The following TEX11 variants were observed in gnomAD, a reference collection of about 807,000 sequenced individuals.
The protein encoded by TEX11 is testis expressed 11.
A neutral mutation model predicts 84.4 loss-of-function variants in TEX11; 7 were observed. The ratio of observed to expected loss-of-function variants is 0.08; its 90% CI spans 0.05 to 0.16. The LOEUF (loss-of-function observed/expected upper bound fraction) is 0.16. Ranked by LOEUF, TEX11 falls within the 10% of genes least tolerant of loss-of-function variation. The pLI is 1.00. For missense variants in TEX11, 551 were observed against 660.5 expected, an observed-to-expected ratio of 0.83 and a Z score of 1.82; for synonymous variants, 264 against 222.8, an observed-to-expected ratio of 1.18 and a Z score of -1.64.
At chrX:70,529,732 C>A (rs1334102872) in intron 29 of TEX11, 103 bp downstream of exon 29, 15 of 858,584 alleles carry the variant, frequency 1.7e-5, no homozygotes, top group Non-Finnish European at 2.2e-5. Context: ...GAGCAAGATC[C>A]TTTCCTAGCC....
At chrX:70,739,632 G>T (rs752223018) in intron 11 of TEX11, among the ~76,000 whole-genome samples, 9 of 110,414 alleles carry the variant, frequency 8.2e-5, no homozygotes, top group Non-Finnish European at 1.7e-4. Context: ...GGATGGTTTC[G>T]ATCTCTTGAC....
chrX:70,801,809 A>G (rs374048091), intron 9 of TEX11, among the ~76,000 whole-genome samples: 1 of 110,421 alleles, frequency 9.1e-6, no homozygotes, highest in East Asian at 2.8e-4. Context: ...CACAAAAAAA[A>G]GGCAACTCAG....
chrX:70,626,524 C>T (rs1283127048), intron 18 of TEX11, among the ~76,000 whole-genome samples: 1 of 111,141 alleles, frequency 9.0e-6, no homozygotes, highest in African/African-American at 3.3e-5. Flanking sequence ...TTTCACTGTC[C>T]CTCATCCCCT....
At chrX:70,559,118 G>T (rs189885554) in intron 25 of TEX11, among the ~76,000 whole-genome samples, 1,569 of 112,103 alleles carry the variant, frequency 0.014, 28 homozygotes, top group Admixed American at 0.067. Flanking sequence ...TTGTGCACAA[G>T]AGTTTACAGC....
intron 28 of TEX11, among the ~76,000 whole-genome samples, chrX:70,550,701 C>A (rs1464934277): frequency 8.9e-6 from 1 of 111,845 alleles, no homozygotes; most frequent in African/African-American, 3.3e-5. Flanking sequence ...AGTGAGATAT[C>A]ATCTCACCCC....
chrX:70,736,540 C>CA (rs1223892423), intron 11 of TEX11, among the ~76,000 whole-genome samples: 867 of 70,765 alleles, frequency 0.012, 12 homozygotes, highest in African/African-American at 0.036. Context: ...CTGAGTGAGG[C>CA]AAAAAAAAAA....
Position 70,860,888 on chromosome X carries a change from G to T in TEX11, c.293C>A (p.Ala98Asp). The part of the protein sequence containing the change: ...KLLSMCEASF[A>D]SEQSIQRLIM... ...CAGTCGTTGAATACTTTGTTCTGAG[G>T]CAAATGAGGCTTCACACATACTCAG... Residue 98 changes from alanine (A) to aspartate (D), a missense_variant, in exon 5 of 30, where the codon GCC becomes GAC. Ala to Asp is a moderately radical substitution (Grantham distance 126, BLOSUM62 -2). Transcript: ENST00000374333. The T allele has an allele frequency of 8.4e-7, 1 of 1,190,960 alleles. No homozygotes were observed. The highest frequency in any genetic ancestry group is 1.1e-6 in the Non-Finnish European group (1 of 886,883).
At chrX:70,901,808 C>T (rs761785557) in intron 2 of TEX11, among the ~76,000 whole-genome samples, 1 of 112,441 alleles carries the variant, frequency 8.9e-6, no homozygotes, top group East Asian at 2.8e-4. Flanking sequence ...TACTACACAT[C>T]TAGGCTATAT....
At position 70,782,708 on chromosome X, in the gene TEX11, C is replaced by G. The variant is rs974158169; in HGVS notation, c.692+23997G>C. On this transcript the variant is annotated intron_variant, in intron 9 of 29. Coordinates refer to ENST00000374333, the MANE Select transcript of TEX11 (RefSeq NM_031276.3). ...AGTCTCTGATAAAACACACTTTAAACCAGTAAAGATCAAAAAAGACAAAGA... is the reference window on the plus strand; with the variant it reads ...AGTCTCTGATAAAACACACTTTAAAGCAGTAAAGATCAAAAAAGACAAAGA... Among the ~76,000 whole-genome samples, 3 of 89,687 alleles carry G rather than the reference C, an allele frequency of 3.3e-5. No homozygotes were observed. The East Asian group carries it at 1.2e-3, about 35-fold the overall frequency. 77.9% of individuals were successfully genotyped at this position (89,687 alleles called of 115,157 possible).
At chrX:70,669,724 A>C (rs897170032) in intron 16 of TEX11, among the ~76,000 whole-genome samples, 1 of 112,536 alleles carries the variant, frequency 8.9e-6, no homozygotes, top group Non-Finnish European at 1.9e-5. Flanking sequence ...GGCAACAAAA[A>C]CCTTCATATT....
chrX:70,716,395 C>A (rs775455654), intron 13 of TEX11, among the ~76,000 whole-genome samples: 110 of 107,851 alleles, frequency 1.0e-3, no homozygotes, highest in Non-Finnish European at 1.7e-3. Flanking sequence ...GAGGTGGAGT[C>A]TACAGAGGCA....
At chrX:70,820,367 GA>G (rs1340516538) in intron 8 of TEX11, among the ~76,000 whole-genome samples, 1 of 112,117 alleles carries the variant, frequency 8.9e-6, no homozygotes, top group African/African-American at 3.2e-5. Flanking sequence ...GCAAAATAAT[GA>G]AATTGGACCC....
chrX:70,876,231 A>G (rs964102354), intron 3 of TEX11, among the ~76,000 whole-genome samples: 1 of 112,188 alleles, frequency 8.9e-6, no homozygotes, highest in African/African-American at 3.2e-5. Context: ...AATTATAGCT[A>G]AATAACATTT....
chrX:70,766,025 T>C (rs1380199113), intron 9 of TEX11, among the ~76,000 whole-genome samples: 1 of 112,233 alleles, frequency 8.9e-6, no homozygotes, highest in Non-Finnish European at 1.9e-5. Context: ...GAAGTAATCC[T>C]ATTTACAATA....
intron 9 of TEX11, among the ~76,000 whole-genome samples, chrX:70,763,003 C>T (rs749362762): frequency 8.9e-6 from 1 of 112,057 alleles, no homozygotes; most frequent in African/African-American, 3.2e-5. Context: ...CACTGCACTC[C>T]AGCCTGGAAG....
chrX:70,698,812 A>C (rs1289489668), intron 13 of TEX11, among the ~76,000 whole-genome samples: 1 of 111,618 alleles, frequency 9.0e-6, no homozygotes, highest in East Asian at 2.8e-4. Context: ...CAGTAGTGAA[A>C]ATCCTTATAT....
chrX:70,585,663 C>A (rs1397357720), intron 25 of TEX11, among the ~76,000 whole-genome samples: 1 of 112,115 alleles, frequency 8.9e-6, no homozygotes, highest in African/African-American at 3.2e-5. Flanking sequence ...GACATATAGA[C>A]CAATAGAATA....
intron 2 of TEX11, among the ~76,000 whole-genome samples, chrX:70,900,495 T>C (rs1418389957): frequency 3.6e-5 from 4 of 109,916 alleles, no homozygotes; most frequent in Non-Finnish European, 5.7e-5. Context: ...TTTATCACTA[T>C]GAGTGCCTAC....
At chrX:70,816,115 T>G (rs1329173306) in intron 8 of TEX11, among the ~76,000 whole-genome samples, 1 of 110,731 alleles carries the variant, frequency 9.0e-6, no homozygotes, top group African/African-American at 3.3e-5. Flanking sequence ...AAGTCCACTG[T>G]GTCATTCTTA....
Sources: allele counts gnomAD v4.1 joint callset (sites outside exome capture counted in the v4.1 genomes callset), GRCh38; gene constraint gnomAD v4.1.1; transcripts MANE v1.5; gene names NCBI Gene and HGNC (gene_info 2026-07-23, HGNC 2026-07-21).